Variants in AUTS2 observed in about 807,000 individuals in gnomAD.
AUTS2 encodes the protein autism susceptibility gene 2 protein.
AUTS2 carries 17 observed loss-of-function variants against 112.4 expected under a neutral mutation model. The observed-to-expected ratio is 0.15, with a 90% CI of 0.10 to 0.23. The LOEUF (loss-of-function observed/expected upper bound fraction) is 0.23, where lower values mean the gene tolerates loss of function less well. AUTS2 is among the 10% of genes least tolerant of loss of function. The pLI is 1.00. For synonymous variants in AUTS2, 751 were observed against 702.7 expected, an observed-to-expected ratio of 1.07 and a Z score of -1.09; for missense variants, 1,510 against 1,701.6, an observed-to-expected ratio of 0.89 and a Z score of 1.98.
chr7:69,792,208 T>C (rs1423070179), intron 1 of AUTS2, among the ~76,000 whole-genome samples: 1 of 151,946 alleles, frequency 6.6e-6, no homozygotes, highest in Non-Finnish European at 1.5e-5. Context: ...GATTATCTAC[T>C]ATAGGCAAAC....
intron 1 of AUTS2, among the ~76,000 whole-genome samples, chr7:69,858,039 T>G (rs1445051149): frequency 6.6e-6 from 1 of 151,796 alleles, no homozygotes; most frequent in African/African-American, 2.4e-5. Context: ...GGGCATGGAG[T>G]CTGATGAGCC....
intron 4 of AUTS2, among the ~76,000 whole-genome samples, chr7:70,394,538 A>C (rs1794001675): frequency 6.6e-6 from 1 of 152,214 alleles, no homozygotes; most frequent in Non-Finnish European, 1.5e-5. Flanking sequence ...CAAACATGAG[A>C]TGAGTTGAAA....
chr7:70,323,404 G>T (rs1020606296), intron 4 of AUTS2, among the ~76,000 whole-genome samples: 7 of 152,130 alleles, frequency 4.6e-5, no homozygotes, highest in African/African-American at 1.7e-4. Flanking sequence ...CTCATGAAGT[G>T]GTATTGGAAG....
chr7:70,294,936 A>C (rs1429364854), intron 4 of AUTS2, among the ~76,000 whole-genome samples: 1 of 152,232 alleles, frequency 6.6e-6, no homozygotes, highest in African/African-American at 2.4e-5. Flanking sequence ...ATTATAGATC[A>C]TGAAGACATA....
intron 2 of AUTS2, among the ~76,000 whole-genome samples, chr7:70,083,114 T>G (rs972344013): frequency 6.6e-6 from 1 of 152,196 alleles, no homozygotes; most frequent in Non-Finnish European, 1.5e-5. Flanking sequence ...ATGATTGTGC[T>G]CAGGGCCCTC....
intron 4 of AUTS2, among the ~76,000 whole-genome samples, chr7:70,344,564 C>G (rs1791410371): frequency 6.6e-6 from 1 of 152,172 alleles, no homozygotes; most frequent in Non-Finnish European, 1.5e-5. Context: ...GTGGTCTTAA[C>G]ACATTCAGAG....
At chr7:69,695,239 G>C (rs1797506727) in intron 1 of AUTS2, among the ~76,000 whole-genome samples, 1 of 152,094 alleles carries the variant, frequency 6.6e-6, no homozygotes, top group South Asian at 2.1e-4. Context: ...TAAGGTGGGA[G>C]GATAGCTCGA....
intron 2 of AUTS2, among the ~76,000 whole-genome samples, chr7:70,008,847 CT>C (rs1799662586): frequency 6.6e-6 from 1 of 152,082 alleles, no homozygotes; most frequent in African/African-American, 2.4e-5. Context: ...TGATATTGTC[CT>C]TTTTTTCATA....
At chr7:69,958,758 C>CT (rs1216779518) in intron 2 of AUTS2, among the ~76,000 whole-genome samples, 1 of 152,164 alleles carries the variant, frequency 6.6e-6, no homozygotes, top group Non-Finnish European at 1.5e-5. Flanking sequence ...TCCAAGGTGT[C>CT]TGAGTCGGTA....
intron 6 of AUTS2, among the ~76,000 whole-genome samples, chr7:70,713,276 A>G (rs1810165117): frequency 6.6e-6 from 1 of 152,264 alleles, no homozygotes; most frequent in Non-Finnish European, 1.5e-5. Context: ...ATGTGCCGTG[A>G]TTACCACTAA....
In AUTS2 at chr7:69,753,291, T is replaced by A. The variant is rs557296313; in HGVS notation, c.310-145995T>A. ...TACATTTGTCTGGTGTGCCTCTAGA[T>A]ACACGTAATGTGGAAATTTCCCTAC... On this transcript the variant is annotated intron_variant, in intron 1 of 18. Coordinates refer to ENST00000342771, the MANE Select transcript of AUTS2 (RefSeq NM_015570.4). 9.2e-5 allele frequency among the ~76,000 whole-genome samples: 14 copies of A among 152,262 alleles called. 1 individual carries two copies. In the South Asian group the frequency reaches 2.9e-3, roughly 32 times the overall value.
intron 5 of AUTS2, among the ~76,000 whole-genome samples, chr7:70,454,354 G>A (rs953921893): frequency 6.6e-6 from 1 of 152,074 alleles, no homozygotes; most frequent in Admixed American, 6.5e-5. Context: ...GGCCAACATG[G>A]TGAAACCCCG....
chr7:69,659,115 CACA>C (rs2129141511), intron 1 of AUTS2, among the ~76,000 whole-genome samples: 1 of 152,246 alleles, frequency 6.6e-6, no homozygotes, highest in South Asian at 2.1e-4. Flanking sequence ...TGACCAGTGC[CACA>C]AATGTAAACA....
intron 2 of AUTS2, among the ~76,000 whole-genome samples, chr7:70,004,234 T>A (rs867493235): frequency 1.5e-5 from 2 of 136,258 alleles, no homozygotes; most frequent in Non-Finnish European, 3.0e-5. Flanking sequence ...GAATATATAT[T>A]ATATATATGA....
At position 69,657,641 on chromosome 7, in the gene AUTS2, AT is replaced by A. The variant is rs547342759; in HGVS notation, c.309+57689del. On this transcript the variant is annotated intron_variant, in intron 1 of 18. Coordinates refer to ENST00000342771, the MANE Select transcript of AUTS2 (RefSeq NM_015570.4). Reference sequence around the variant, plus strand: ...CCTGAGCAGATGTGGGTGGTGAAGGATTTTTTTTTTAAAGTCAAACTTTGTT... The same window carrying A: ...CCTGAGCAGATGTGGGTGGTGAAGGATTTTTTTTTAAAGTCAAACTTTGTT... 4.1e-3 allele frequency among the ~76,000 whole-genome samples: 623 copies of A among 150,512 alleles called. 3 individuals are homozygous for A. Among genetic ancestry groups the A allele is most frequent in the African/African-American group, 0.014 (572 of 41,136 alleles).
chr7:69,708,580 G>C (rs191232666), intron 1 of AUTS2, among the ~76,000 whole-genome samples: 5 of 152,220 alleles, frequency 3.3e-5, no homozygotes, highest in Admixed American at 6.5e-5. Flanking sequence ...TATGTCCACA[G>C]TATCTGGAGT....
At chr7:69,676,453 A>G (rs147168133) in intron 1 of AUTS2, among the ~76,000 whole-genome samples, 9 of 152,346 alleles carry the variant, frequency 5.9e-5, no homozygotes, top group African/African-American at 2.2e-4. Flanking sequence ...TGTTTCTAGA[A>G]ATGACTATAA....
chr7:70,527,779 G>A (rs1435150561), intron 5 of AUTS2, among the ~76,000 whole-genome samples: 2 of 152,174 alleles, frequency 1.3e-5, no homozygotes, highest in African/African-American at 4.8e-5. Flanking sequence ...GTATTAATGA[G>A]ATAAGATCGA....
chr7:69,826,228 A>G (rs1791237432), intron 1 of AUTS2, among the ~76,000 whole-genome samples: 2 of 152,178 alleles, frequency 1.3e-5, no homozygotes, highest in African/African-American at 4.8e-5. Context: ...TTAGTTAGTT[A>G]TTTTATAGTT....
Sources: gnomAD v4.1 joint callset for allele counts (sites outside exome capture counted in the v4.1 genomes callset) on GRCh38, gnomAD v4.1.1 for gene constraint, MANE v1.5 for transcripts, NCBI Gene and HGNC (gene_info 2026-07-23, HGNC 2026-07-21) for gene names.